SLC4A4: variants seen among roughly 807,000 people sequenced by gnomAD.
SLC4A4 encodes the protein solute carrier family 4 member 4.
A neutral mutation model predicts 111.5 loss-of-function variants in SLC4A4; 27 were observed. That is an observed-to-expected ratio of 0.24 (90% CI 0.18 to 0.33). The LOEUF (loss-of-function observed/expected upper bound fraction) is 0.33, where lower values mean the gene tolerates loss of function less well. SLC4A4 is among the 10% of genes least tolerant of loss of function. The probability of loss-of-function intolerance (pLI) is 1.00; values close to 1 mark genes in which losing one functional copy is unlikely to be tolerated. For synonymous variants in SLC4A4, 443 were observed against 463.4 expected, an observed-to-expected ratio of 0.96 and a Z score of 0.57; for missense variants, 909 against 1,315.5, an observed-to-expected ratio of 0.69 and a Z score of 4.78.
intron 18 of SLC4A4, among the ~76,000 whole-genome samples, chr4:71,545,320 T>G (rs1468169062): frequency 1.3e-5 from 2 of 152,012 alleles, no homozygotes; most frequent in Non-Finnish European, 2.9e-5. Context: ...TAACAAGATC[T>G]GAATGATAAC....
chr4:71,270,850 A>G (rs1722654852), intron 3 of SLC4A4, among the ~76,000 whole-genome samples: 1 of 152,212 alleles, frequency 6.6e-6, no homozygotes, highest in Non-Finnish European at 1.5e-5. Flanking sequence ...GGAACAAACC[A>G]TGGTCTCATC....
intron 3 of SLC4A4, among the ~76,000 whole-genome samples, chr4:71,260,103 T>G (rs974911625): frequency 2.6e-5 from 4 of 152,232 alleles, no homozygotes; most frequent in African/African-American, 9.6e-5. Flanking sequence ...TAGTGAACAT[T>G]GTTCTGTGAG....
At chr4:71,440,873 A>T in intron 8 of SLC4A4, 100 bp downstream of exon 8, 1 of 1,348,976 alleles carries the variant, frequency 7.4e-7, no homozygotes, top group Non-Finnish European at 1.1e-6. Context: ...TTTAGTGCAA[A>T]CACATTGGAG....
rs1380163726 is a variant in SLC4A4 at position 71,370,509 on chromosome 4, T to C, written c.730+13322T>C. 7.2e-5 allele frequency among the ~76,000 whole-genome samples: 11 copies of C among 152,346 alleles called. No individual in the cohort carries two copies. The East Asian group carries it at 1.5e-3, about 21-fold the overall frequency. On this transcript the variant is annotated intron_variant, in intron 6 of 25. Coordinates refer to ENST00000264485, the MANE Select transcript of SLC4A4 (RefSeq NM_001098484.3). ...GTATAAAGTCAGGCAGGAATGGGTC[T>C]GAATCCTGGATCTACCACTCCTGGC...
chr4:71,481,774 A>G (rs6846301), intron 14 of SLC4A4, among the ~76,000 whole-genome samples: 19,791 of 151,766 alleles, frequency 0.13, 1,528 homozygotes, highest in African/African-American at 0.22. Context: ...CATTCCAGAA[A>G]ATCAGCTAAA....
At chr4:71,077,689 T>A (rs1741879996) in intron 1 of SLC4A4, among the ~76,000 whole-genome samples, 1 of 152,204 alleles carries the variant, frequency 6.6e-6, no homozygotes, top group African/African-American at 2.4e-5. Flanking sequence ...AGGCTATCTA[T>A]GATGAAAAAA....
upstream of SLC4A4, among the ~76,000 whole-genome samples, chr4:71,185,337 C>A (rs969849598): frequency 1.3e-5 from 2 of 152,182 alleles, no homozygotes; most frequent in Non-Finnish European, 2.9e-5. Flanking sequence ...GCTTACTTTG[C>A]GGTTGCTGAT....
chr4:71,547,798 A>G (rs763898448), intron 20 of SLC4A4, 78 bp downstream of exon 20: 17 of 1,244,210 alleles, frequency 1.4e-5, no homozygotes, highest in Admixed American at 8.4e-5. Context: ...GAAATTCCTC[A>G]TGAGATATTT....
chr4:71,476,098 A>G (rs1728346191), intron 14 of SLC4A4, among the ~76,000 whole-genome samples: 1 of 151,798 alleles, frequency 6.6e-6, no homozygotes, highest in Non-Finnish European at 1.5e-5. Flanking sequence ...GGAAAAAGGC[A>G]GTGGATAGTT....
intron 6 of SLC4A4, among the ~76,000 whole-genome samples, chr4:71,364,001 T>A (rs992210597): frequency 6.6e-6 from 1 of 152,220 alleles, no homozygotes; most frequent in African/African-American, 2.4e-5. Flanking sequence ...AGATGACTGA[T>A]TTTCCAAATG....
chr4:71,145,024 C>A (rs1560743009), intron 2 of SLC4A4, among the ~76,000 whole-genome samples: 2 of 152,060 alleles, frequency 1.3e-5, no homozygotes, highest in Admixed American at 1.3e-4. Flanking sequence ...GTGTCTTGTG[C>A]CAGTTTTCAA....
At chr4:71,329,602 G>C (rs1363344729) in intron 3 of SLC4A4, among the ~76,000 whole-genome samples, 1 of 151,920 alleles carries the variant, frequency 6.6e-6, no homozygotes, top group Non-Finnish European at 1.5e-5. Context: ...TTACTTTCTT[G>C]ATTTCTTTTT....
At chr4:71,339,826 G>A (rs536271979) in intron 4 of SLC4A4, among the ~76,000 whole-genome samples, 51 of 151,968 alleles carry the variant, frequency 3.4e-4, no homozygotes, top group Non-Finnish European at 6.8e-4. Context: ...ATAAACTCAG[G>A]TACCCAAAAA....
chr4:71,122,678 G>A (rs1456610868), intron 2 of SLC4A4, among the ~76,000 whole-genome samples: 1 of 152,130 alleles, frequency 6.6e-6, no homozygotes, highest in Admixed American at 6.6e-5. Flanking sequence ...CAGATAGGAG[G>A]TTTTTACTCT....
chr4:71,113,433 T>C (rs1743151756), intron 2 of SLC4A4, among the ~76,000 whole-genome samples: 1 of 152,200 alleles, frequency 6.6e-6, no homozygotes, highest in African/African-American at 2.4e-5. Context: ...GGCAATTTAA[T>C]TGGATGGCTG....
chr4:71,193,616 CTT>C (rs776505824), intron 1 of SLC4A4, among the ~76,000 whole-genome samples: 1 of 151,938 alleles, frequency 6.6e-6, no homozygotes. Flanking sequence ...TTTTGTATGT[CTT>C]TTTTTTAAAA....
At chr4:71,242,439 C>G (rs1400525522) in intron 2 of SLC4A4, among the ~76,000 whole-genome samples, 3 of 152,136 alleles carry the variant, frequency 2.0e-5, no homozygotes, top group East Asian at 3.9e-4. Context: ...AAAACTTGCT[C>G]TATTGCCAAA....
chr4:71,339,641 T>A, intron 4 of SLC4A4, 136 bp downstream of exon 4: 1 of 763,654 alleles, frequency 1.3e-6, no homozygotes, highest in Non-Finnish European at 2.2e-6. Context: ...GGATAAGGAG[T>A]AAATAATTCT....
At chr4:71,110,675 T>C (rs1560725056) in intron 2 of SLC4A4, among the ~76,000 whole-genome samples, 1 of 152,218 alleles carries the variant, frequency 6.6e-6, no homozygotes, top group Non-Finnish European at 1.5e-5. Context: ...GGTAATTAGA[T>C]ATGCTTACTA....
Sources: allele counts gnomAD v4.1 joint callset (sites outside exome capture counted in the v4.1 genomes callset), GRCh38; gene constraint gnomAD v4.1.1; transcripts MANE v1.5; gene names NCBI Gene and HGNC (gene_info 2026-07-23, HGNC 2026-07-21).